ARHGAP44: variants seen among roughly 807,000 people sequenced by gnomAD.
ARHGAP44 encodes rho GTPase-activating protein 44.
A neutral mutation model predicts 106.8 loss-of-function variants in ARHGAP44; 43 were observed. The observed-to-expected ratio is 0.40, with a 90% CI of 0.32 to 0.52. The LOEUF (loss-of-function observed/expected upper bound fraction) is 0.52, where lower values mean the gene tolerates loss of function less well. Among genes scored for constraint, ARHGAP44 ranks in the 20% least tolerant of loss-of-function variants. The probability of loss-of-function intolerance (pLI) is 0.48; values close to 1 mark genes in which losing one functional copy is unlikely to be tolerated. For synonymous variants in ARHGAP44, 439 were observed against 410.3 expected (o/e 1.07, Z -0.85); for missense variants, 866 against 1,050.5 (o/e 0.82, Z 2.43).
intron 16 of ARHGAP44, among the ~76,000 whole-genome samples, chr17:12,963,714 C>T (rs1173665037): frequency 6.6e-6 from 1 of 152,198 alleles, no homozygotes; most frequent in Non-Finnish European, 1.5e-5. Flanking sequence ...GCCGTGTGTG[C>T]AGACAGGCCG....
At chr17:12,876,865 T>C (rs1279471979) in intron 1 of ARHGAP44, among the ~76,000 whole-genome samples, 1 of 146,230 alleles carries the variant, frequency 6.8e-6, no homozygotes, top group East Asian at 2.0e-4. Flanking sequence ...GACCCGAGAC[T>C]GTGCCACTGC....
chr17:12,828,473 A>G (rs2034987500), intron 1 of ARHGAP44, among the ~76,000 whole-genome samples: 1 of 152,012 alleles, frequency 6.6e-6, no homozygotes, highest in South Asian at 2.1e-4. Context: ...ATAATCATGT[A>G]GGTTTTCTTT....
At chr17:12,969,526 A>G (rs1035257355) in intron 16 of ARHGAP44, among the ~76,000 whole-genome samples, 2 of 152,344 alleles carry the variant, frequency 1.3e-5, no homozygotes, top group African/African-American at 4.8e-5. Context: ...TAGTCATTGG[A>G]AAATCTAGGA....
rs1479962359 is a variant in ARHGAP44, at chr17:12,949,319, T to C, written c.973+68T>C. 6.8e-7 allele frequency: 1 copy of C among 1,469,114 alleles called. No individual in the cohort carries two copies. Among genetic ancestry groups the C allele is most frequent in the Admixed American group, 2.0e-5 (1 of 50,720 alleles). 91.0% of individuals were successfully genotyped at this position (1,469,114 alleles called of 1,614,324 possible). A position where few individuals can be genotyped will look rare whatever the true frequency, so the allele number is the denominator to read the frequency against. On this transcript the variant is annotated intron_variant, in intron 11 of 20. Transcript: ENST00000379672. This position sits in a 1 kb window ranked among gnomAD's most constrained non-coding sequence, Gnocchi z 4.1. ...GGGAAGGGGTAGAGGGGAGGCTGTG[T>C]GGCTACAAGTCCAGGACACTCAAGT... is the stretch of plus-strand genomic sequence containing the variant.
chr17:12,966,145 C>CA (rs1380453897), intron 16 of ARHGAP44, among the ~76,000 whole-genome samples: 1 of 134,704 alleles, frequency 7.4e-6, no homozygotes, highest in African/African-American at 3.1e-5. Flanking sequence ...GACATAGTGA[C>CA]ACGCTGTCTC....
At chr17:12,793,280 A>G (rs16946602) in intron 1 of ARHGAP44, among the ~76,000 whole-genome samples, 5,854 of 152,330 alleles carry the variant, frequency 0.038, 132 homozygotes, top group African/African-American at 0.053. Flanking sequence ...ATCTCTGGGC[A>G]AATGTTATGA....
At chr17:12,898,024 G>A (rs1432251186) in intron 3 of ARHGAP44, among the ~76,000 whole-genome samples, 1 of 152,078 alleles carries the variant, frequency 6.6e-6, no homozygotes, top group Non-Finnish European at 1.5e-5. Flanking sequence ...CAGCAGATCA[G>A]GAGATGATTG....
At chr17:12,931,841 T>TACACACAC (rs10522083) in intron 7 of ARHGAP44, among the ~76,000 whole-genome samples, 1,570 of 146,390 alleles carry the variant, frequency 0.011, 30 homozygotes, top group African/African-American at 0.038. Context: ...ACAGTAGGGA[T>TACACACAC]ACACACACAC....
At chr17:12,936,190 G>A (rs2038544119) in intron 7 of ARHGAP44, among the ~76,000 whole-genome samples, 1 of 152,154 alleles carries the variant, frequency 6.6e-6, no homozygotes, top group African/African-American at 2.4e-5. Context: ...TGATGAACCT[G>A]TATTGGTGCA....
At chr17:12,926,440 TATATACATAATATATATACATATATA>T (rs1469028004) in intron 6 of ARHGAP44, among the ~76,000 whole-genome samples, 186 of 123,732 alleles carry the variant, frequency 1.5e-3, no homozygotes, top group Middle Eastern at 5.4e-3. Context: ...AATATATATG[TATATACATAATATATATACATATATA>T]ATATATATAA....
chr17:12,875,440 T>C (rs1270687337), intron 1 of ARHGAP44, among the ~76,000 whole-genome samples: 3 of 150,856 alleles, frequency 2.0e-5, no homozygotes, highest in African/African-American at 7.3e-5. Context: ...CTAAAAGTTT[T>C]AAAAATTGCC....
intron 1 of ARHGAP44, among the ~76,000 whole-genome samples, chr17:12,795,635 G>C (rs2033896173): frequency 6.6e-6 from 1 of 151,786 alleles, no homozygotes; most frequent in Non-Finnish European, 1.5e-5. Context: ...CCTTTTAGAG[G>C]GGATTAGTAA....
At chr17:12,793,916 A>T (rs554331516) in intron 1 of ARHGAP44, among the ~76,000 whole-genome samples, 3 of 152,170 alleles carry the variant, frequency 2.0e-5, no homozygotes, top group Non-Finnish European at 1.5e-5. Context: ...CAAAAGATCC[A>T]TGCGCTATAG....
intron 1 of ARHGAP44, among the ~76,000 whole-genome samples, chr17:12,804,637 C>T (rs557643874): frequency 2.8e-4 from 43 of 152,346 alleles, no homozygotes; most frequent in African/African-American, 1.0e-3. Flanking sequence ...GGAGATTGTT[C>T]TTCAATGAAG....
intron 18 of ARHGAP44, among the ~76,000 whole-genome samples, chr17:12,977,753 G>A (rs2039722344): frequency 2.6e-5 from 4 of 152,082 alleles, no homozygotes; most frequent in Admixed American, 2.0e-4. Flanking sequence ...GAGGAAGTGT[G>A]TCCGGGCCGG....
At chr17:12,841,594 T>TCTCTCTCTCTCTCTCTCACACACA (rs1417307080) in intron 1 of ARHGAP44, among the ~76,000 whole-genome samples, 17 of 126,574 alleles carry the variant, frequency 1.3e-4, no homozygotes, top group Admixed American at 3.9e-4. Context: ...TGTCTCTCTC[T>TCTCTCTCTCTCTCTCTCACACACA]CACACACACA....
intron 1 of ARHGAP44, among the ~76,000 whole-genome samples, chr17:12,891,301 CA>C (rs1354962128): frequency 2.6e-4 from 39 of 152,214 alleles, no homozygotes; most frequent in African/African-American, 9.2e-4. Flanking sequence ...TTTGTGCTGC[CA>C]TAAATGAATA....
intron 1 of ARHGAP44, among the ~76,000 whole-genome samples, chr17:12,859,652 C>T (rs1305487397): frequency 1.3e-5 from 2 of 152,200 alleles, no homozygotes; most frequent in East Asian, 3.9e-4. Context: ...TTTTGCTGTT[C>T]TATAAATGTA....
At position 12,990,241 on chromosome 17, in the gene ARHGAP44, T is replaced by G; in HGVS notation, c.*70T>G. The G allele has an allele frequency of 6.5e-7, 1 of 1,536,948 alleles. No individual in the cohort carries two copies. The highest frequency in any genetic ancestry group is 8.8e-7 in the Non-Finnish European group (1 of 1,132,842). On this transcript the variant is annotated 3_prime_UTR_variant, in exon 21 of 21. Coordinates refer to ENST00000379672, the MANE Select transcript of ARHGAP44 (RefSeq NM_014859.6). ...CCTAGGAACGCCGCCAGGAGCAGCG[T>G]CCATGAGCTTGCCAAGTGTTCTCTG...
Sources: allele counts gnomAD v4.1 joint callset (sites outside exome capture counted in the v4.1 genomes callset), GRCh38; gene constraint gnomAD v4.1.1; non-coding constraint Gnocchi (gnomAD v3.1); transcripts MANE v1.5; gene names NCBI Gene and HGNC (gene_info 2026-07-23, HGNC 2026-07-21).